The following SCN3B variants were observed in gnomAD, a reference collection of about 807,000 sequenced individuals.
The protein encoded by SCN3B is sodium channel regulatory subunit beta-3.
A neutral mutation model predicts 25.4 loss-of-function variants in SCN3B; 11 were observed. The ratio of observed to expected loss-of-function variants is 0.43; its 90% CI spans 0.27 to 0.72. The LOEUF (loss-of-function observed/expected upper bound fraction) is 0.72, where lower values mean the gene tolerates loss of function less well. Among genes scored for constraint, SCN3B ranks in the 30% least tolerant of loss-of-function variants. The probability of loss-of-function intolerance (pLI) is 0.18; values close to 1 mark genes in which losing one functional copy is unlikely to be tolerated. For synonymous variants in SCN3B, 109 were observed against 110.7 expected, an observed-to-expected ratio of 0.99 and a Z score of 0.09; for missense variants, 218 against 278.3, an observed-to-expected ratio of 0.78 and a Z score of 1.54.
At position 123,653,771 on chromosome 11, in the gene SCN3B, C is replaced by A. The variant is rs1955959844; in HGVS notation, c.31G>T (p.Ala11Ser). MPAFNRLFPL[A>S]SLVLIYWVSV... The stretch of plus-strand genomic sequence containing the variant: ...CCCCAGTAGATAAGCACGAGAGAAG[C>A]CAGGGGAAACAATCTATTGAAGGCA... Residue 11 changes from alanine (A) to serine (S), a missense_variant, in exon 2 of 7, where the codon GCT (alanine) becomes TCT (serine). Transcript: ENST00000299333. 1.2e-6 allele frequency: 2 copies of A among 1,614,074 alleles called. No homozygotes were observed. The highest frequency in any genetic ancestry group is 1.7e-6 in the Non-Finnish European group (2 of 1,180,032).
intron 3 of SCN3B, among the ~76,000 whole-genome samples, chr11:123,645,350 C>A (rs1955842379): frequency 1.3e-5 from 2 of 152,170 alleles, no homozygotes; most frequent in South Asian, 4.1e-4. Flanking sequence ...TATAGCATAT[C>A]TCTTTCCTCT....
At chr11:123,652,254 T>C (rs909956914) in intron 2 of SCN3B, among the ~76,000 whole-genome samples, 5 of 152,230 alleles carry the variant, frequency 3.3e-5, no homozygotes, top group African/African-American at 1.2e-4. Context: ...AATTTCAGCC[T>C]TAATCTTCAA....
Position 123,653,834 on chromosome 11 carries a change from G to A in SCN3B, c.-25-8C>T. 6.2e-7 allele frequency: 1 copy of A among 1,612,270 alleles called. No individual in the cohort carries two copies. Among genetic ancestry groups the A allele is most frequent in the Non-Finnish European group, 8.5e-7 (1 of 1,178,294 alleles). On this transcript the variant is annotated splice_region_variant and splice_polypyrimidine_tract_variant and intron_variant, in intron 1 of 6. Transcript: ENST00000299333. ...GGCTGGCGGCTTCCAAGGCTACACA[G>A]AGAGATTCCCTCGGTCAAGGACTGC...
At chr11:123,637,193 G>C (rs1274205) in intron 5 of SCN3B, among the ~76,000 whole-genome samples, 121,274 of 152,070 alleles carry the variant, frequency 0.8, 50,037 homozygotes, top group Middle Eastern at 0.95. Context: ...AGTGACTAGA[G>C]TCTCTGAGCA....
intron 2 of SCN3B, among the ~76,000 whole-genome samples, chr11:123,650,159 A>G (rs1591350378): frequency 6.6e-6 from 1 of 151,970 alleles, no homozygotes; most frequent in African/African-American, 2.4e-5. Flanking sequence ...AATTCCCATA[A>G]TAATAATGAA....
At position 123,642,729 on chromosome 11, in the gene SCN3B, A is replaced by C; in HGVS notation, c.220-58T>G. 1 of 1,337,994 alleles carries C rather than the reference A, an allele frequency of 7.5e-7. No homozygotes were observed. The highest frequency in any genetic ancestry group is 1.1e-6 in the Non-Finnish European group (1 of 937,462). The allele number at this position is 1,337,994 out of a possible 1,614,324, so 82.9% of individuals were successfully genotyped here. A position where few individuals can be genotyped will look rare whatever the true frequency, so the allele number is the denominator to read the frequency against. ...AGGAAAGGAGATGGCAGTGGGGGGA[A>C]GCCGAGTTAGGGACAGGGCAGAGAA... On this transcript the variant is annotated intron_variant, in intron 3 of 6. Transcript: ENST00000299333. The surrounding 1 kb of genome is among the most constrained non-coding windows in gnomAD (Gnocchi z 4.3).
At chr11:123,650,780 C>A (rs762808177) in intron 2 of SCN3B, among the ~76,000 whole-genome samples, 4 of 151,988 alleles carry the variant, frequency 2.6e-5, no homozygotes, top group Non-Finnish European at 5.9e-5. Context: ...CCTTTCCCTT[C>A]CCCGAGCTCA....
intron 6 of SCN3B, 128 bp downstream of exon 6, chr11:123,633,993 G>T: frequency 1.4e-6 from 1 of 719,940 alleles, no homozygotes; most frequent in Non-Finnish European, 2.5e-6. Context: ...CTGAGGGCGG[G>T]GACCCCAGGC....
chr11:123,645,707 C>T lies in SCN3B; in HGVS notation c.99G>A (p.Thr33=), dbSNP rs754476318. 2.9e-5 allele frequency: 47 copies of T among 1,614,028 alleles called. No homozygotes were observed. The East Asian group carries it at 5.1e-4, about 18-fold the overall frequency. Residue 33 remains threonine (T), a synonymous_variant, in exon 3 of 7, where the codon ACG becomes ACA. Transcript: ENST00000299333. ...FPVCVEVPSE[T]EAVQGNPMKL... ...TCATGGGGTTGCCCTGCACGGCCTC[C>T]GTCTCCGAGGGCACTTCCACACACA... is the stretch of plus-strand genomic sequence containing the variant.
In SCN3B at chr11:123,642,241, G is replaced by T. The variant is rs997457048; in HGVS notation, c.445+205C>A. 3.3e-5 allele frequency among the ~76,000 whole-genome samples: 5 copies of T among 152,202 alleles called. No homozygotes were observed. The highest frequency in any genetic ancestry group is 7.3e-5 in the Non-Finnish European group (5 of 68,042). On this transcript the variant is annotated intron_variant, in intron 4 of 6. Transcript: ENST00000299333. This position sits in a 1 kb window ranked among gnomAD's most constrained non-coding sequence, Gnocchi z 4.3. ...CCAAGCCTTTCTGCTTTGAGGAAAG[G>T]CACAGAAAGACAAGCTGCTTAGGGA...
At chr11:123,646,422 A>G (rs750404572) in intron 2 of SCN3B, among the ~76,000 whole-genome samples, 6 of 152,200 alleles carry the variant, frequency 3.9e-5, no homozygotes, top group Non-Finnish European at 8.8e-5. Context: ...AGTGTGAGGT[A>G]TCCAATGTTT....
chr11:123,635,722 C>T (rs1229154076), intron 5 of SCN3B, among the ~76,000 whole-genome samples: 2 of 151,786 alleles, frequency 1.3e-5, no homozygotes, highest in Non-Finnish European at 2.9e-5. Flanking sequence ...ACCTTCATCT[C>T]CGATAAGACA....
chr11:123,631,904 A>T lies in SCN3B; in HGVS notation c.*1895T>A, dbSNP rs1955677609. On this transcript the variant is annotated 3_prime_UTR_variant, in exon 7 of 7. Transcript: ENST00000299333. ...TTTCCTAGGGATGGAAGAATGAAAAAAATGAGCTTTTAAGGTAAAGCCCTA... is the reference window on the plus strand; with the variant it reads ...TTTCCTAGGGATGGAAGAATGAAAATAATGAGCTTTTAAGGTAAAGCCCTA... 6.6e-6 allele frequency: 1 copy of T among 152,200 alleles called. No individual in the cohort carries two copies. The highest frequency in any genetic ancestry group is 1.5e-5 in the Non-Finnish European group (1 of 68,032). The allele number at this position is 152,200 out of a possible 1,614,324, so 9.4% of individuals were successfully genotyped here.
At chr11:123,641,085 T>A (rs963795635) in intron 4 of SCN3B, 1 of 152,228 alleles carries the variant, frequency 6.6e-6, no homozygotes, top group Non-Finnish European at 1.5e-5. Flanking sequence ...GGCTGAGCAC[T>A]GTGCTAAGGT....
At chr11:123,652,594 C>T (rs1955939551) in intron 2 of SCN3B, among the ~76,000 whole-genome samples, 1 of 152,200 alleles carries the variant, frequency 6.6e-6, no homozygotes, top group Non-Finnish European at 1.5e-5. Context: ...TCACATGCCT[C>T]GTTTCAGGGA....
Position 123,645,746 on chromosome 11 carries a change from A to C in SCN3B, c.60T>G (p.Ser20Arg), listed in dbSNP as rs771342044. 32 of 1,613,948 alleles carry C rather than the reference A, an allele frequency of 2.0e-5. No individual in the cohort carries two copies. Reference sequence around the variant, plus strand: ...CTTCCACACACACAGGGAAGCAGACACTGACTGCAGAGAGGACAGATGGAC... The same window carrying C: ...CTTCCACACACACAGGGAAGCAGACCCTGACTGCAGAGAGGACAGATGGAC... ...LASLVLIYWV[S>R]VCFPVCVEVP... Residue 20 changes from serine (S) to arginine (R), a missense_variant, in exon 3 of 7, where the codon AGT (serine) becomes AGG (arginine). Transcript: ENST00000299333.
chr11:123,635,579 G>A (rs902707502), intron 5 of SCN3B, among the ~76,000 whole-genome samples: 2 of 151,856 alleles, frequency 1.3e-5, no homozygotes, highest in Non-Finnish European at 2.9e-5. Flanking sequence ...CCAGCTACTC[G>A]GGAGGCTGAG....
At position 123,653,827 on chromosome 11, in the gene SCN3B, C is replaced by T. The variant is rs1264999538; in HGVS notation, c.-25-1G>A. ...CTTCTGGGGCTGGCGGCTTCCAAGGCTACACAGAGAGATTCCCTCGGTCAA... is the reference window on the plus strand; with the variant it reads ...CTTCTGGGGCTGGCGGCTTCCAAGGTTACACAGAGAGATTCCCTCGGTCAA... On this transcript the variant is annotated splice_acceptor_variant, in intron 1 of 6. Coordinates refer to ENST00000299333, the MANE Select transcript of SCN3B (RefSeq NM_001040151.2). LOFTEE classifies it low-confidence loss of function (5UTR_SPLICE). The T allele has an allele frequency of 2.5e-6, 4 of 1,613,724 alleles. No homozygotes were observed. The East Asian group carries it at 6.7e-5, about 27-fold the overall frequency.
intron 2 of SCN3B, among the ~76,000 whole-genome samples, chr11:123,646,757 C>T (rs748940091): frequency 7.9e-5 from 12 of 152,150 alleles, no homozygotes; most frequent in African/African-American, 2.2e-4. Flanking sequence ...GCAAAACATG[C>T]GCAAATGTGA....
Sources: allele counts gnomAD v4.1 joint callset (sites outside exome capture counted in the v4.1 genomes callset), GRCh38; gene constraint gnomAD v4.1.1; non-coding constraint Gnocchi (gnomAD v3.1); transcripts MANE v1.5; gene names NCBI Gene and HGNC (gene_info 2026-07-23, HGNC 2026-07-21).